Variants in P2RY8 observed in about 807,000 individuals in gnomAD.
P2RY8 encodes the protein S-geranylgeranyl-glutathione receptor P2RY8.
A neutral mutation model predicts 10.0 loss-of-function variants in P2RY8; 6 were observed. The observed-to-expected ratio is 0.60, with a 90% CI of 0.33 to 1.19. The LOEUF is 1.19. P2RY8 is among the 50% of genes most tolerant of loss of function. The pLI is 0.04. For missense variants in P2RY8, 456 were observed against 542.0 expected, an observed-to-expected ratio of 0.84 and a Z score of 1.58; for synonymous variants, 276 against 252.5, an observed-to-expected ratio of 1.09 and a Z score of -0.88.
chrX:1,466,642 G>T (rs1415703070), intron 1 of P2RY8, 60 bp from the exon 2 acceptor site: 30 of 1,490,404 alleles, frequency 2.0e-5, no homozygotes, highest in Non-Finnish European at 2.6e-5. Flanking sequence ...GGCGGCTGCC[G>T]GGAGGGCTCC....
rs748751046 is a variant in P2RY8 at position 1,536,861 on chromosome X, G to A, written c.-25+60C>T. On this transcript the variant is annotated intron_variant, in intron 1 of 1. Coordinates refer to ENST00000381297, the MANE Select transcript of P2RY8 (RefSeq NM_178129.5). ...CTCACCGTACACGGACCCTCCCAGCGACCCTGTCTTCTCCCTTGACAGTGC... is the reference window on the plus strand; with the variant it reads ...CTCACCGTACACGGACCCTCCCAGCAACCCTGTCTTCTCCCTTGACAGTGC... The A allele has an allele frequency of 2.5e-4, 52 of 209,026 alleles. No homozygotes were observed. In the East Asian group the frequency reaches 3.7e-3, roughly 15 times the overall value. 12.9% of individuals were successfully genotyped at this position (209,026 alleles called of 1,614,324 possible).
chrX:1,522,929 C>A (rs1267866204), intron 1 of P2RY8, among the ~76,000 whole-genome samples: 1 of 150,586 alleles, frequency 6.6e-6, no homozygotes, highest in African/African-American at 2.5e-5. Flanking sequence ...ATTAGCTGGG[C>A]ATGGTGCCAC....
intron 1 of P2RY8, among the ~76,000 whole-genome samples, chrX:1,479,438 A>G (rs1247497306): frequency 6.6e-6 from 1 of 152,244 alleles, no homozygotes; most frequent in South Asian, 2.1e-4. Context: ...TTTCTAGGAG[A>G]AGATCTGCTG....
intron 1 of P2RY8, among the ~76,000 whole-genome samples, chrX:1,515,423 G>A (rs1362892974): frequency 6.7e-6 from 1 of 149,162 alleles, no homozygotes; most frequent in African/African-American, 2.5e-5. Flanking sequence ...CCAGGCTGGA[G>A]TGCAATGGCA....
At chrX:1,534,131 TATATATATTTAC>T (rs1206723728) in intron 1 of P2RY8, among the ~76,000 whole-genome samples, 3 of 131,388 alleles carry the variant, frequency 2.3e-5, no homozygotes, top group Non-Finnish European at 3.1e-5. Flanking sequence ...ATTATATATT[TATATATATTTAC>T]ATATATATTT....
intron 1 of P2RY8, among the ~76,000 whole-genome samples, chrX:1,502,082 T>C (rs1292370145): frequency 1.3e-5 from 2 of 152,054 alleles, no homozygotes; most frequent in Non-Finnish European, 2.9e-5. Flanking sequence ...AGCTCATTTT[T>C]GTATTATTAG....
chrX:1,464,208 G>C lies in P2RY8; in HGVS notation c.*1271C>G, dbSNP rs1327546837. 1.1e-4 allele frequency: 25 copies of C among 233,306 alleles called. No homozygotes were observed. The highest frequency in any genetic ancestry group is 1.8e-4 in the Non-Finnish European group (21 of 118,130). The allele number at this position is 233,306 out of a possible 1,614,324, so 14.5% of individuals were successfully genotyped here. A position where few individuals can be genotyped will look rare whatever the true frequency, so the allele number is the denominator to read the frequency against. ...AGAATGGTCTTTCTCGCCCAAGAGA[G>C]CCTGGGATCCAATTCCACGTGATGT... On this transcript the variant is annotated 3_prime_UTR_variant, in exon 2 of 2. Transcript: ENST00000381297.
intron 1 of P2RY8, among the ~76,000 whole-genome samples, chrX:1,533,863 T>C (rs1276946134): frequency 8.2e-6 from 1 of 122,694 alleles, no homozygotes; most frequent in Non-Finnish European, 1.6e-5. Flanking sequence ...TATGTATTTA[T>C]ATATTATTTA....
intron 1 of P2RY8, among the ~76,000 whole-genome samples, chrX:1,493,008 A>G (rs1160049950): frequency 2.0e-5 from 3 of 151,730 alleles, no homozygotes; most frequent in Non-Finnish European, 4.4e-5. Flanking sequence ...TGTCTCACGA[A>G]GTTTCGAAAA....
chrX:1,483,270 G>A (rs1365162912), intron 1 of P2RY8, among the ~76,000 whole-genome samples: 1 of 152,054 alleles, frequency 6.6e-6, no homozygotes, highest in South Asian at 2.1e-4. Context: ...AAACCGAGAC[G>A]GTCTCAACTA....
chrX:1,487,982 C>T (rs189927603), intron 1 of P2RY8, among the ~76,000 whole-genome samples: 2,618 of 152,046 alleles, frequency 0.017, 33 homozygotes, highest in African/African-American at 0.027. Context: ...TGGTGGTGGG[C>T]GTCTGTAATC....
intron 1 of P2RY8, among the ~76,000 whole-genome samples, chrX:1,535,184 C>CTTTTTTTTTTT (rs539683722): frequency 2.5e-5 from 2 of 80,630 alleles, no homozygotes; most frequent in Non-Finnish European, 4.4e-5. Context: ...GGGATAATTC[C>CTTTTTTTTTTT]TTTTTTTTTT....
chrX:1,476,722 AG>A (rs1339178232), intron 1 of P2RY8, among the ~76,000 whole-genome samples: 4 of 152,144 alleles, frequency 2.6e-5, no homozygotes, highest in Non-Finnish European at 5.9e-5. Flanking sequence ...TTGGAAATGT[AG>A]GAAACATCCC....
At chrX:1,467,157 C>T (rs1224695547) in intron 1 of P2RY8, among the ~76,000 whole-genome samples, 1 of 152,098 alleles carries the variant, frequency 6.6e-6, no homozygotes, top group African/African-American at 2.4e-5. Context: ...ATCTCAGGGG[C>T]ATCCACCCAC....
chrX:1,491,164 A>G (rs1376662850), intron 1 of P2RY8, among the ~76,000 whole-genome samples: 1 of 148,992 alleles, frequency 6.7e-6, no homozygotes, highest in African/African-American at 2.5e-5. Context: ...GATACCCCAG[A>G]TTCACTTCTG....
chrX:1,536,597 G>T (rs1215599759), intron 1 of P2RY8, among the ~76,000 whole-genome samples: 1 of 152,046 alleles, frequency 6.6e-6, no homozygotes, highest in African/African-American at 2.4e-5. Context: ...GGGTTTCACC[G>T]TGTTAGCCAG....
At chrX:1,533,625 TATTATTATTTACATA>T (rs1202557415) in intron 1 of P2RY8, among the ~76,000 whole-genome samples, 1 of 123,766 alleles carries the variant, frequency 8.1e-6, no homozygotes, top group African/African-American at 3.2e-5. Context: ...TATATTTATA[TATTATTATTTACATA>T]TTTATTATTT....
At position 1,463,169 on chromosome X, in the gene P2RY8, A is replaced by G. The variant is rs1364408738; in HGVS notation, c.*2310T>C. 4.3e-6 allele frequency: 1 copy of G among 233,144 alleles called. No individual in the cohort carries two copies. The highest frequency in any genetic ancestry group is 8.5e-6 in the Non-Finnish European group (1 of 118,006). 14.4% of individuals were successfully genotyped at this position (233,144 alleles called of 1,614,324 possible). A position where few individuals can be genotyped will look rare whatever the true frequency, so the allele number is the denominator to read the frequency against. On this transcript the variant is annotated 3_prime_UTR_variant, in exon 2 of 2. Transcript: ENST00000381297. ...AAGATGCTACTCTGAGGTTTTTCAC[A>G]GTTTTTTTTCCCCCATGAGACACAC...
At chrX:1,524,741 G>T (rs867456636) in intron 1 of P2RY8, among the ~76,000 whole-genome samples, 8 of 61,218 alleles carry the variant, frequency 1.3e-4, no homozygotes, top group African/African-American at 2.0e-4. Flanking sequence ...ATACATCCAT[G>T]CATCCATCCA....
Sources: gnomAD v4.1 joint callset for allele counts (sites outside exome capture counted in the v4.1 genomes callset) on GRCh38, gnomAD v4.1.1 for gene constraint, MANE v1.5 for transcripts, NCBI Gene and HGNC (gene_info 2026-07-23, HGNC 2026-07-21) for gene names.